Variants in KCNIP4 observed in about 807,000 individuals in gnomAD.
KCNIP4 encodes Kv channel-interacting protein 4.
A neutral mutation model predicts 34.0 loss-of-function variants in KCNIP4; 12 were observed. The observed-to-expected ratio is 0.35, with a 90% CI of 0.23 to 0.57. The LOEUF is 0.57. KCNIP4 is among the 20% of genes least tolerant of loss of function. The probability of loss-of-function intolerance (pLI) is 0.83; values close to 1 mark genes in which losing one functional copy is unlikely to be tolerated. For synonymous variants in KCNIP4, 124 were observed against 102.2 expected, an observed-to-expected ratio of 1.21 and a Z score of -1.29; for missense variants, 238 against 311.7, an observed-to-expected ratio of 0.76 and a Z score of 1.78.
chr4:21,274,177 A>G (rs1762308844), intron 1 of KCNIP4, among the ~76,000 whole-genome samples: 1 of 152,210 alleles, frequency 6.6e-6, no homozygotes, highest in African/African-American at 2.4e-5. Context: ...GCTCCTGTGA[A>G]CAACAAACTA....
At position 21,087,202 on chromosome 4, in the gene KCNIP4, A is replaced by G. The variant is rs1410493685; in HGVS notation, c.62-204493T>C. ...TGTGTGTGTGTGTGTTTTGAGACAGAGTCTTGCTCTGCCACCCAGGCTGGA... is the reference window on the plus strand; with the variant it reads ...TGTGTGTGTGTGTGTTTTGAGACAGGGTCTTGCTCTGCCACCCAGGCTGGA... On this transcript the variant is annotated intron_variant, in intron 1 of 8. Coordinates refer to ENST00000382152, the MANE Select transcript of KCNIP4 (RefSeq NM_025221.6). Among the ~76,000 whole-genome samples the G allele has an allele frequency of 2.2e-5, 3 of 139,282 alleles. No individual in the cohort carries two copies. In the East Asian group the frequency reaches 6.3e-4, roughly 29 times the overall value. The allele number at this position is 139,282 out of a possible 152,430, so 91.4% of individuals were successfully genotyped here. A position where few individuals can be genotyped will look rare whatever the true frequency, so the allele number is the denominator to read the frequency against.
At chr4:20,878,269 T>A (rs1470795849) in intron 2 of KCNIP4, among the ~76,000 whole-genome samples, 1 of 152,200 alleles carries the variant, frequency 6.6e-6, no homozygotes, top group Non-Finnish European at 1.5e-5. Context: ...ACTAAATACT[T>A]TGCATGGATT....
intron 1 of KCNIP4, among the ~76,000 whole-genome samples, chr4:21,659,767 T>C (rs2108987456): frequency 6.6e-6 from 1 of 152,318 alleles, no homozygotes; most frequent in South Asian, 2.1e-4. Flanking sequence ...TCAAGTCCTA[T>C]ACCTTACTTG....
chr4:21,869,633 T>TTCA (rs1331780989), intron 1 of KCNIP4, among the ~76,000 whole-genome samples: 53 of 152,242 alleles, frequency 3.5e-4, no homozygotes, highest in African/African-American at 1.2e-3. Flanking sequence ...TTCTCTCTTA[T>TTCA]GTTTTCACTT....
intron 1 of KCNIP4, among the ~76,000 whole-genome samples, chr4:21,816,227 T>C (rs1215263619): frequency 1.3e-5 from 2 of 152,156 alleles, no homozygotes; most frequent in Non-Finnish European, 2.9e-5. Flanking sequence ...TAACATAGTG[T>C]TCATAATGCT....
intron 2 of KCNIP4, among the ~76,000 whole-genome samples, chr4:20,872,239 C>A (rs181267093): frequency 1.0e-3 from 154 of 152,196 alleles, no homozygotes; most frequent in African/African-American, 3.4e-3. Context: ...TTTTTCTCCC[C>A]AGCCTCAAAG....
At chr4:21,177,055 G>A (rs1213356321) in intron 1 of KCNIP4, among the ~76,000 whole-genome samples, 2 of 152,156 alleles carry the variant, frequency 1.3e-5, no homozygotes, top group Non-Finnish European at 2.9e-5. Flanking sequence ...AAGAAGAAAA[G>A]CACTTAATTG....
At chr4:21,859,485 G>A (rs573414099) in intron 1 of KCNIP4, among the ~76,000 whole-genome samples, 46 of 152,124 alleles carry the variant, frequency 3.0e-4, no homozygotes, top group Admixed American at 5.9e-4. Context: ...AAAATTAGCC[G>A]GGCGTGGTGG....
At chr4:21,723,350 C>T (rs1714962076) in intron 1 of KCNIP4, among the ~76,000 whole-genome samples, 1 of 152,112 alleles carries the variant, frequency 6.6e-6, no homozygotes, top group Non-Finnish European at 1.5e-5. Flanking sequence ...TGCTAATATT[C>T]ACTGCTGCTT....
intron 1 of KCNIP4, among the ~76,000 whole-genome samples, chr4:21,396,549 C>CAAAAAAAAAAAAAAAAA (rs555585102): frequency 1.7e-4 from 9 of 52,804 alleles, no homozygotes; most frequent in African/African-American, 2.8e-4. Flanking sequence ...AGCAAGACTC[C>CAAAAAAAAAAAAAAAAA]AAAAAAAAAA....
At chr4:21,774,409 G>A (rs187042542) in intron 1 of KCNIP4, among the ~76,000 whole-genome samples, 3 of 152,218 alleles carry the variant, frequency 2.0e-5, no homozygotes, top group African/African-American at 2.4e-5. Context: ...TGATGATTAT[G>A]TGTCTTCGGG....
At chr4:21,186,690 G>C (rs1206689426) in intron 1 of KCNIP4, among the ~76,000 whole-genome samples, 1 of 152,142 alleles carries the variant, frequency 6.6e-6, no homozygotes, top group Non-Finnish European at 1.5e-5. Flanking sequence ...TGTCACCCAG[G>C]CTAAAGTGCA....
intron 1 of KCNIP4, among the ~76,000 whole-genome samples, chr4:21,398,760 C>A (rs1723227074): frequency 6.6e-6 from 1 of 152,196 alleles, no homozygotes. Context: ...TCCTCTCTCT[C>A]TTTCTTTCTT....
At chr4:21,511,594 C>T (rs1341978821) in intron 1 of KCNIP4, among the ~76,000 whole-genome samples, 2 of 151,922 alleles carry the variant, frequency 1.3e-5, no homozygotes, top group Non-Finnish European at 2.9e-5. Flanking sequence ...TTTCTTAATC[C>T]CTAGAAATTC....
At chr4:21,889,288 T>C (rs1350475513) in intron 1 of KCNIP4, among the ~76,000 whole-genome samples, 1 of 152,116 alleles carries the variant, frequency 6.6e-6, no homozygotes, top group Non-Finnish European at 1.5e-5. Context: ...ATAATGTGTA[T>C]ATAAATCATA....
intron 1 of KCNIP4, among the ~76,000 whole-genome samples, chr4:21,895,901 T>C (rs886403418): frequency 6.6e-6 from 1 of 152,182 alleles, no homozygotes; most frequent in Non-Finnish European, 1.5e-5. Context: ...GGTGCCTTAA[T>C]GTTGCTAAGT....
At chr4:21,071,225 C>G (rs531303672) in intron 1 of KCNIP4, among the ~76,000 whole-genome samples, 2 of 152,026 alleles carry the variant, frequency 1.3e-5, no homozygotes, top group Non-Finnish European at 2.9e-5. Flanking sequence ...CATAGCATTA[C>G]GTTTTACATT....
intron 1 of KCNIP4, among the ~76,000 whole-genome samples, chr4:20,988,242 T>C (rs1736773860): frequency 6.6e-6 from 1 of 152,038 alleles, no homozygotes; most frequent in South Asian, 2.1e-4. Context: ...GTTGAATGGT[T>C]CTTTAACTGG....
At chr4:21,785,233 T>C (rs1719824774) in intron 1 of KCNIP4, among the ~76,000 whole-genome samples, 1 of 142,990 alleles carries the variant, frequency 7.0e-6, no homozygotes, top group South Asian at 2.4e-4. Flanking sequence ...CAATCCATGT[T>C]AGTATATTTA....
Sources: allele counts gnomAD v4.1 joint callset (sites outside exome capture counted in the v4.1 genomes callset), GRCh38; gene constraint gnomAD v4.1.1; transcripts MANE v1.5; gene names NCBI Gene and HGNC (gene_info 2026-07-23, HGNC 2026-07-21).